POU6F2: variants seen among roughly 807,000 people sequenced by gnomAD.
The protein encoded by POU6F2 is POU domain, class 6, transcription factor 2.
Under a neutral mutation model 71.3 loss-of-function variants are expected in POU6F2, and 31 were observed. The ratio of observed to expected loss-of-function variants is 0.43; its 90% CI spans 0.33 to 0.59. The LOEUF (loss-of-function observed/expected upper bound fraction) is 0.59, where lower values mean the gene tolerates loss of function less well. Ranked by LOEUF, POU6F2 falls within the 20% of genes least tolerant of loss-of-function variation. The pLI, the probability that POU6F2 is intolerant of heterozygous loss-of-function variation, is 0.04. For synonymous variants in POU6F2, 347 were observed against 355.7 expected (o/e 0.98, Z 0.27); for missense variants, 783 against 856.8 (o/e 0.91, Z 1.07).
At chr7:39,096,083 A>G (rs566108986) in intron 2 of POU6F2, among the ~76,000 whole-genome samples, 5 of 152,302 alleles carry the variant, frequency 3.3e-5, no homozygotes, top group South Asian at 2.1e-4. Flanking sequence ...CAGAAACAGC[A>G]GGAAATAACC....
intron 7 of POU6F2, among the ~76,000 whole-genome samples, chr7:39,445,852 A>C (rs1788511438): frequency 6.6e-6 from 1 of 152,226 alleles, no homozygotes; most frequent in Non-Finnish European, 1.5e-5. Flanking sequence ...TTGTCTAGAC[A>C]TAACAGATCC....
intron 5 of POU6F2, among the ~76,000 whole-genome samples, chr7:39,340,443 C>T (rs1176718584): frequency 6.6e-6 from 1 of 152,156 alleles, no homozygotes; most frequent in African/African-American, 2.4e-5. Flanking sequence ...ATTATGAATA[C>T]AACAGTGTCT....
chr7:39,043,530 G>C (rs1182069124), intron 1 of POU6F2, among the ~76,000 whole-genome samples: 1 of 151,936 alleles, frequency 6.6e-6, no homozygotes, highest in Non-Finnish European at 1.5e-5. Context: ...GTTGTCAATG[G>C]CTACAGTGTA....
chr7:39,134,132 G>A (rs773957728), intron 2 of POU6F2, among the ~76,000 whole-genome samples: 23 of 152,166 alleles, frequency 1.5e-4, no homozygotes, highest in Middle Eastern at 3.4e-3. Flanking sequence ...TGCCTTTGTC[G>A]TCCAAAATGC....
intron 6 of POU6F2, among the ~76,000 whole-genome samples, chr7:39,421,369 G>T (rs1787846516): frequency 6.6e-6 from 1 of 152,154 alleles, no homozygotes; most frequent in Admixed American, 6.5e-5. Context: ...CACAACAATG[G>T]ATATTCTCTT....
intron 2 of POU6F2, among the ~76,000 whole-genome samples, chr7:39,165,082 G>C (rs1395287559): frequency 6.6e-6 from 1 of 152,162 alleles, no homozygotes; most frequent in Non-Finnish European, 1.5e-5. Context: ...ATTATGTCAT[G>C]CTTCCCCGGG....
At chr7:39,024,094 G>A (rs1423357048) in intron 1 of POU6F2, among the ~76,000 whole-genome samples, 2 of 152,122 alleles carry the variant, frequency 1.3e-5, no homozygotes, top group Non-Finnish European at 2.9e-5. Flanking sequence ...ATTACCTTGG[G>A]CAGTATGGCC....
chr7:39,056,912 C>A (rs566307494), intron 1 of POU6F2, among the ~76,000 whole-genome samples: 19 of 152,256 alleles, frequency 1.2e-4, no homozygotes, highest in Middle Eastern at 3.4e-3. Context: ...GAAAACATAA[C>A]TTGTCTGTAT....
chr7:39,037,370 G>C (rs1235517884), intron 1 of POU6F2, among the ~76,000 whole-genome samples: 4 of 151,790 alleles, frequency 2.6e-5, no homozygotes, highest in Non-Finnish European at 5.9e-5. Flanking sequence ...TTACTCAGCA[G>C]CACCCTGGGT....
At chr7:39,437,796 T>C (rs1390232196) in intron 7 of POU6F2, among the ~76,000 whole-genome samples, 2 of 152,210 alleles carry the variant, frequency 1.3e-5, no homozygotes, top group Non-Finnish European at 2.9e-5. Flanking sequence ...GCCTTAGCTG[T>C]GTCCCAGAGA....
At chr7:39,006,844 T>G (rs778481655) in intron 1 of POU6F2, 1 of 1,613,710 alleles carries the variant, frequency 6.2e-7, no homozygotes, top group Non-Finnish European at 8.5e-7. Flanking sequence ...CAAGAGGAAG[T>G]GGCAAATGAG....
At chr7:39,462,689 A>T (rs1394596206) in intron 9 of POU6F2, among the ~76,000 whole-genome samples, 1 of 152,226 alleles carries the variant, frequency 6.6e-6, no homozygotes, top group East Asian at 1.9e-4. Context: ...GCCATAAAGG[A>T]CAAGTTCATT....
chr7:39,130,947 G>C (rs1792263297), intron 2 of POU6F2, among the ~76,000 whole-genome samples: 1 of 152,174 alleles, frequency 6.6e-6, no homozygotes, highest in Admixed American at 6.5e-5. Flanking sequence ...TGCGTCTCAC[G>C]GATGCAGGTG....
chr7:39,444,309 C>T (rs1788474253), intron 7 of POU6F2, among the ~76,000 whole-genome samples: 1 of 152,190 alleles, frequency 6.6e-6, no homozygotes, highest in Non-Finnish European at 1.5e-5. Context: ...GAAGGCCGGG[C>T]GCAGTGGCTC....
intron 4 of POU6F2, among the ~76,000 whole-genome samples, chr7:39,304,210 A>ATGT (rs1785008667): frequency 6.6e-6 from 1 of 152,258 alleles, no homozygotes; most frequent in Non-Finnish European, 1.5e-5. Flanking sequence ...TAGACTGTGA[A>ATGT]GTACCTTTAA....
intron 2 of POU6F2, among the ~76,000 whole-genome samples, chr7:39,185,887 T>TA (rs1793530348): frequency 6.7e-6 from 1 of 148,346 alleles, no homozygotes; most frequent in Non-Finnish European, 1.5e-5. Context: ...ATGTATATAT[T>TA]TATATGTATA....
At chr7:39,016,178 C>A in intron 1 of POU6F2, among the ~76,000 whole-genome samples, 1 of 131,208 alleles carries the variant, frequency 7.6e-6, no homozygotes. Flanking sequence ...TGTATAGATA[C>A]ATTATATCTA....
chr7:39,193,764 G>A (rs946808642), intron 2 of POU6F2, among the ~76,000 whole-genome samples: 4 of 152,242 alleles, frequency 2.6e-5, no homozygotes, highest in African/African-American at 7.2e-5. Flanking sequence ...GGATAAAGAC[G>A]TGATCCTGCC....
intron 2 of POU6F2, among the ~76,000 whole-genome samples, chr7:39,157,662 TG>T (rs1792900707): frequency 6.6e-6 from 1 of 152,258 alleles, no homozygotes; most frequent in Non-Finnish European, 1.5e-5. Context: ...TTTTGTTGCA[TG>T]CAATGCATGT....
Sources: gnomAD v4.1 joint callset for allele counts (sites outside exome capture counted in the v4.1 genomes callset) on GRCh38, gnomAD v4.1.1 for gene constraint, MANE v1.5 for transcripts, NCBI Gene and HGNC (gene_info 2026-07-23, HGNC 2026-07-21) for gene names.